EPB41L3: variants seen among roughly 807,000 people sequenced by gnomAD.
The protein encoded by EPB41L3 is band 4.1-like protein 3.
In EPB41L3, 57 loss-of-function variants were observed where a neutral mutation model predicts 127.1. That is an observed-to-expected ratio of 0.45 (90% CI 0.36 to 0.56). The LOEUF is 0.56. Among genes scored for constraint, EPB41L3 ranks in the 20% least tolerant of loss-of-function variants. The pLI is 0.00. For synonymous variants in EPB41L3, 572 were observed against 549.5 expected, an observed-to-expected ratio of 1.04 and a Z score of -0.57; for missense variants, 1,273 against 1,372.2, an observed-to-expected ratio of 0.93 and a Z score of 1.14.
intron 1 of EPB41L3, among the ~76,000 whole-genome samples, chr18:5,619,458 C>CCCATATCTGGATATGT (rs1568657852): frequency 6.6e-6 from 1 of 152,034 alleles, no homozygotes; most frequent in East Asian, 1.9e-4. Context: ...TTTCCCATAT[C>CCCATATCTGGATATGT]AACTCATTTC....
At chr18:5,504,957 C>T (rs1395795207) in intron 1 of EPB41L3, among the ~76,000 whole-genome samples, 1 of 152,090 alleles carries the variant, frequency 6.6e-6, no homozygotes, top group African/African-American at 2.4e-5. Flanking sequence ...CCCAGTCCAC[C>T]CATTTCCCCA....
chr18:5,505,926 C>T (rs1390863796), intron 1 of EPB41L3, among the ~76,000 whole-genome samples: 1 of 150,952 alleles, frequency 6.6e-6, no homozygotes, highest in African/African-American at 2.4e-5. Context: ...CCACCCTCCA[C>T]ACCTTCACCT....
chr18:5,608,032 C>T (rs1386168436), intron 3 of EPB41L3, among the ~76,000 whole-genome samples: 1 of 152,150 alleles, frequency 6.6e-6, no homozygotes, highest in Non-Finnish European at 1.5e-5. Flanking sequence ...GCTCAGTGGC[C>T]TCTGGCAGGT....
Position 5,472,820 on chromosome 18 carries a change from G to A in EPB41L3, c.381+5421C>T, listed in dbSNP as rs571982088. 3.9e-5 allele frequency among the ~76,000 whole-genome samples: 6 copies of A among 152,312 alleles called. No individual in the cohort carries two copies. The South Asian group carries it at 1.2e-3, about 32-fold the overall frequency. On this transcript the variant is annotated intron_variant, in intron 3 of 22. Coordinates refer to ENST00000341928, the MANE Select transcript of EPB41L3 (RefSeq NM_012307.5). ...AATTAACTGAATCACAGGCAAGACA[G>A]AGTATTAGGCAAGTTTTTAACCGTC...
chr18:5,537,282 A>T (rs756234230), intron 1 of EPB41L3, among the ~76,000 whole-genome samples: 2 of 152,194 alleles, frequency 1.3e-5, no homozygotes, highest in Non-Finnish European at 2.9e-5. Flanking sequence ...AATAACTGAG[A>T]TACATTCATT....
intron 3 of EPB41L3, among the ~76,000 whole-genome samples, chr18:5,447,293 G>T (rs1225696835): frequency 6.6e-6 from 1 of 152,152 alleles, no homozygotes; most frequent in Admixed American, 6.6e-5. Context: ...CTGACAAACA[G>T]TAGAATAACT....
At chr18:5,609,518 A>G (rs1405233312) in intron 3 of EPB41L3, among the ~76,000 whole-genome samples, 1 of 152,200 alleles carries the variant, frequency 6.6e-6, no homozygotes, top group African/African-American at 2.4e-5. Flanking sequence ...ATTATTGCTC[A>G]GCTTTGGAAG....
chr18:5,594,565 T>C (rs1254152871), intron 3 of EPB41L3, among the ~76,000 whole-genome samples: 1 of 152,238 alleles, frequency 6.6e-6, no homozygotes, highest in Non-Finnish European at 1.5e-5. Flanking sequence ...CTTTTAATTA[T>C]GTCACCCTAA....
chr18:5,444,593 A>G (rs980141120), intron 4 of EPB41L3, among the ~76,000 whole-genome samples: 1 of 152,234 alleles, frequency 6.6e-6, no homozygotes, highest in African/African-American at 2.4e-5. Context: ...TTAAACATAA[A>G]ACATCTACTA....
chr18:5,445,817 GA>G (rs1472474056), intron 3 of EPB41L3, among the ~76,000 whole-genome samples: 2 of 152,148 alleles, frequency 1.3e-5, no homozygotes, highest in Non-Finnish European at 2.9e-5. Context: ...ATTCTCATAG[GA>G]GTTCGAACCC....
rs2080783341 is a variant in EPB41L3 at position 5,441,623 on chromosome 18, G to GCA, written c.529+2214_529+2215insTG. On this transcript the variant is annotated intron_variant, in intron 5 of 22. Transcript: ENST00000341928. The stretch of plus-strand genomic sequence containing the variant: ...TGGGACTACAGGCGCACGCCACCAT[G>GCA]CCCGGCTAATTTTTGTATTTTTAGT... 1.1e-4 allele frequency among the ~76,000 whole-genome samples: 17 copies of GCA among 152,150 alleles called. No homozygotes were observed. The South Asian group carries it at 1.9e-3, about 17-fold the overall frequency.
In EPB41L3 at chr18:5,415,576, C is replaced by T. The variant is rs181881799; in HGVS notation, c.2067+242G>A. ...ACTTCTGGCTGAGTCTTTCATCCCA[C>T]GTAGAACTCAGTGGGTAGCAGAACG... is the stretch of plus-strand genomic sequence containing the variant. On this transcript the variant is annotated intron_variant, in intron 13 of 22. Coordinates refer to ENST00000341928, the MANE Select transcript of EPB41L3 (RefSeq NM_012307.5). Among the ~76,000 whole-genome samples the T allele has an allele frequency of 2.6e-4, 39 of 152,336 alleles. No homozygotes were observed. In the East Asian group the frequency reaches 4.2e-3, roughly 17 times the overall value.
intron 1 of EPB41L3, among the ~76,000 whole-genome samples, chr18:5,501,949 A>G (rs1054214594): frequency 1.3e-5 from 2 of 152,178 alleles, no homozygotes; most frequent in Non-Finnish European, 2.9e-5. Context: ...GTGGGCCTGT[A>G]GCACTGAAAG....
intron 16 of EPB41L3, 70 bp from the exon 17 acceptor site, chr18:5,398,213 A>C: frequency 6.3e-7 from 1 of 1,578,614 alleles, no homozygotes. Flanking sequence ...AAACATTCAC[A>C]GCTTGTTAGA....
chr18:5,579,156 A>G (rs1162397735), intron 3 of EPB41L3, among the ~76,000 whole-genome samples: 2 of 152,252 alleles, frequency 1.3e-5, no homozygotes, highest in Non-Finnish European at 2.9e-5. Context: ...ATATACAACA[A>G]GATGTCCTTT....
At chr18:5,411,345 T>C (rs1422595826) in intron 13 of EPB41L3, among the ~76,000 whole-genome samples, 1 of 152,130 alleles carries the variant, frequency 6.6e-6, no homozygotes, top group East Asian at 1.9e-4. Context: ...GCTCCAAAAA[T>C]ACCATTCAAA....
intron 16 of EPB41L3, chr18:5,400,293 C>T: frequency 7.1e-6 from 2 of 281,792 alleles, no homozygotes; most frequent in Non-Finnish European, 1.4e-5. Context: ...TTAATAGCTT[C>T]ACAGATTACA....
At chr18:5,473,006 T>A (rs886188208) in intron 3 of EPB41L3, among the ~76,000 whole-genome samples, 3 of 152,162 alleles carry the variant, frequency 2.0e-5, no homozygotes. Context: ...TCCAGGCCTA[T>A]CCTGGAGGGA....
intron 3 of EPB41L3, among the ~76,000 whole-genome samples, chr18:5,471,122 C>T (rs1016865956): frequency 6.6e-6 from 1 of 152,292 alleles, no homozygotes; most frequent in African/African-American, 2.4e-5. Flanking sequence ...AGGAGCTCTA[C>T]GACTCCTACA....
Sources: gnomAD v4.1 joint callset for allele counts (sites outside exome capture counted in the v4.1 genomes callset) on GRCh38, gnomAD v4.1.1 for gene constraint, MANE v1.5 for transcripts, NCBI Gene and HGNC (gene_info 2026-07-23, HGNC 2026-07-21) for gene names.